The following ELAVL3 variants were observed in gnomAD, a reference collection of about 807,000 sequenced individuals.
The protein encoded by ELAVL3 is ELAV-like protein 3.
A neutral mutation model predicts 34.2 loss-of-function variants in ELAVL3; 8 were observed. The observed-to-expected ratio is 0.23, with a 90% CI of 0.14 to 0.42. The LOEUF (loss-of-function observed/expected upper bound fraction) is 0.42. Ranked by LOEUF, ELAVL3 falls within the 10% of genes least tolerant of loss-of-function variation. The pLI, the probability that ELAVL3 is intolerant of heterozygous loss-of-function variation, is 1.00. For synonymous variants in ELAVL3, 209 were observed against 222.1 expected (o/e 0.94, Z 0.53); for missense variants, 273 against 518.8 (o/e 0.53, Z 4.60).
chr19:11,473,648 T>C (rs774596716), intron 1 of ELAVL3, among the ~76,000 whole-genome samples: 2 of 152,174 alleles, frequency 1.3e-5, no homozygotes, highest in Non-Finnish European at 2.9e-5. Context: ...CCTCCCCCAC[T>C]TCACCCCCAC....
intron 1 of ELAVL3, among the ~76,000 whole-genome samples, chr19:11,475,067 C>A (rs1971238041): frequency 6.6e-6 from 1 of 152,138 alleles, no homozygotes; most frequent in East Asian, 1.9e-4. Context: ...ATCTCGTGAT[C>A]CACTGCCTCG....
chr19:11,473,306 A>C (rs1971202795), intron 1 of ELAVL3, among the ~76,000 whole-genome samples: 2 of 152,098 alleles, frequency 1.3e-5, no homozygotes, highest in African/African-American at 4.8e-5. Context: ...CGGAGCTTGC[A>C]ATGAGCCGAG....
At position 11,466,329 on chromosome 19, in the gene ELAVL3, T is replaced by C. The variant is rs909124858; in HGVS notation, c.230-54A>G. On this transcript the variant is annotated intron_variant, in intron 2 of 6. Transcript: ENST00000359227. This position sits in a 1 kb window ranked among gnomAD's most constrained non-coding sequence, Gnocchi z 5.0. ...CCCACCCAGCCTTGACACCTGCCAG[T>C]GTCCCACCTCAGGCCTGAGAGACTG... is the stretch of plus-strand genomic sequence containing the variant. 6.6e-7 allele frequency: 1 copy of C among 1,524,218 alleles called. No individual in the cohort carries two copies. Among genetic ancestry groups the C allele is most frequent in the African/African-American group, 1.4e-5 (1 of 72,942 alleles). The allele number at this position is 1,524,218 out of a possible 1,614,324, so 94.4% of individuals were successfully genotyped here.
Position 11,458,018 on chromosome 19 carries a change from G to A in ELAVL3, c.713+43C>T. ...GGGGTTCAGGGAGGGTTGCAAGCTT[G>A]GGGGCACCCGGCCTGGGGCCATCTG... On this transcript the variant is annotated intron_variant, in intron 5 of 6. Transcript: ENST00000359227. This position sits in a 1 kb window ranked among gnomAD's most constrained non-coding sequence, Gnocchi z 7.3. 1 of 1,585,830 alleles carries A rather than the reference G, an allele frequency of 6.3e-7. No homozygotes were observed. The highest frequency in any genetic ancestry group is 8.6e-7 in the Non-Finnish European group (1 of 1,164,190).
rs998183032 is a variant in ELAVL3 at position 11,451,792 on chromosome 19, A to G, written c.*2734T>C. 1 of 145,412 alleles carries G rather than the reference A, an allele frequency of 6.9e-6. No homozygotes were observed. The highest frequency in any genetic ancestry group is 1.5e-5 in the Non-Finnish European group (1 of 66,972). 9.0% of individuals were successfully genotyped at this position (145,412 alleles called of 1,614,324 possible). A position where few individuals can be genotyped will look rare whatever the true frequency, so the allele number is the denominator to read the frequency against. ...CCAGTCTTGGGGGTGGCAGGGGCCT[A>G]GGCCTCGGTGGGGGGGGGGTGTGTG... On this transcript the variant is annotated 3_prime_UTR_variant, in exon 7 of 7. Coordinates refer to ENST00000359227, the MANE Select transcript of ELAVL3 (RefSeq NM_001420.4).
At chr19:11,475,181 C>A (rs1292915574) in intron 1 of ELAVL3, among the ~76,000 whole-genome samples, 1 of 152,194 alleles carries the variant, frequency 6.6e-6, no homozygotes, top group Admixed American at 6.5e-5. Context: ...GTGTGCCAGG[C>A]ACTGTGGGAA....
chr19:11,467,626 G>A (rs764819251), intron 1 of ELAVL3, among the ~76,000 whole-genome samples: 13 of 151,322 alleles, frequency 8.6e-5, no homozygotes, highest in Non-Finnish European at 1.8e-4. Context: ...TGGGATTACA[G>A]GTGCATGCCA....
intron 1 of ELAVL3, among the ~76,000 whole-genome samples, chr19:11,475,546 C>A (rs1322694916): frequency 6.6e-6 from 1 of 151,892 alleles, no homozygotes; most frequent in Non-Finnish European, 1.5e-5. Context: ...TCAAGGGATC[C>A]TCCTGCCTCT....
chr19:11,460,773 G>A (rs756901797), intron 3 of ELAVL3, among the ~76,000 whole-genome samples: 1 of 151,794 alleles, frequency 6.6e-6, no homozygotes. Flanking sequence ...CTCCTAACTA[G>A]GAATTAGACA....
rs35334288 is a variant in ELAVL3 at position 11,454,469 on chromosome 19, T to TTC, written c.*55_*56dup. 1.5e-3 allele frequency: 1,788 copies of TTC among 1,184,414 alleles called. 9 individuals are homozygous for TTC. The African/African-American group carries it at 0.021, about 14-fold the overall frequency. The allele number at this position is 1,184,414 out of a possible 1,614,324, so 73.4% of individuals were successfully genotyped here. On this transcript the variant is annotated 3_prime_UTR_variant, in exon 7 of 7. Coordinates refer to ENST00000359227, the MANE Select transcript of ELAVL3 (RefSeq NM_001420.4). This position sits in a 1 kb window ranked among gnomAD's most constrained non-coding sequence, Gnocchi z 9.2. Reference sequence around the variant, plus strand: ...GCCCCTTCTCTCTCTCTCTCTCTCTTTCTCTCTCTCTCTCTCTGCTGCCCG... The same window carrying TTC: ...GCCCCTTCTCTCTCTCTCTCTCTCTTTCTCTCTCTCTCTCTCTCTGCTGCCCG...
chr19:11,465,078 CACAG>C (rs1185769402), intron 3 of ELAVL3, among the ~76,000 whole-genome samples: 2,364 of 119,348 alleles, frequency 0.02, 71 homozygotes, highest in African/African-American at 0.071. Context: ...ACACACCCCA[CACAG>C]ACACACACAC....
chr19:11,457,750 G>A (rs1970800343), intron 5 of ELAVL3, among the ~76,000 whole-genome samples: 1 of 152,154 alleles, frequency 6.6e-6, no homozygotes, highest in Non-Finnish European at 1.5e-5. Flanking sequence ...TGAAATATTT[G>A]GTGTTATTAC....
At chr19:11,464,850 TACAC>T (rs1372654143) in intron 3 of ELAVL3, among the ~76,000 whole-genome samples, 2 of 58,318 alleles carry the variant, frequency 3.4e-5, no homozygotes, top group African/African-American at 1.4e-4. Context: ...GACACACACA[TACAC>T]AACACACACA....
chr19:11,453,884 C>T lies in ELAVL3; in HGVS notation c.*642G>A, dbSNP rs1938152057. On this transcript the variant is annotated 3_prime_UTR_variant, in exon 7 of 7. Coordinates refer to ENST00000359227, the MANE Select transcript of ELAVL3 (RefSeq NM_001420.4). ...GTTTTTTTTTTTCAAGTTCAAGAAT[C>T]CCCAGTAAAAATTCTCCACGAGGTC... The T allele has an allele frequency of 2.2e-5, 3 of 138,170 alleles. No individual in the cohort carries two copies. The highest frequency in any genetic ancestry group is 1.5e-4 in the Admixed American group (2 of 13,104). 8.6% of individuals were successfully genotyped at this position (138,170 alleles called of 1,614,324 possible). A position where few individuals can be genotyped will look rare whatever the true frequency, so the allele number is the denominator to read the frequency against.
chr19:11,468,926 T>C (rs1971109620), intron 1 of ELAVL3, among the ~76,000 whole-genome samples: 1 of 152,096 alleles, frequency 6.6e-6, no homozygotes, highest in African/African-American at 2.4e-5. Flanking sequence ...TAGCTTTAAT[T>C]AATTAATTTT....
intron 3 of ELAVL3, among the ~76,000 whole-genome samples, chr19:11,465,278 T>TACACACACACACACC (rs1416796831): frequency 4.4e-5 from 4 of 91,642 alleles, no homozygotes; most frequent in Non-Finnish European, 9.5e-5. Flanking sequence ...ACCACACACA[T>TACACACACACACACC]ACACACACAC....
rs1178739669 is a variant in ELAVL3, at chr19:11,463,996, C to CA, written c.333+2175dup. On this transcript the variant is annotated intron_variant, in intron 3 of 6. Transcript: ENST00000359227. ...AAAAAACCCCAAAAAATCAAAAAAC[C>CA]AAAAAAAAAAAACCTTATCCTACAG... Among the ~76,000 whole-genome samples, 814 of 136,480 alleles carry CA rather than the reference C, an allele frequency of 6.0e-3. 1 individual carries two copies. The highest frequency in any genetic ancestry group is 0.022 in the Middle Eastern group (6 of 272). The allele number at this position is 136,480 out of a possible 152,430, so 89.5% of individuals were successfully genotyped here. A position where few individuals can be genotyped will look rare whatever the true frequency, so the allele number is the denominator to read the frequency against.
intron 6 of ELAVL3, among the ~76,000 whole-genome samples, chr19:11,455,841 G>T (rs1455383896): frequency 6.6e-6 from 1 of 152,196 alleles, no homozygotes; most frequent in Non-Finnish European, 1.5e-5. Context: ...TCTGTTGAAT[G>T]AATTAATGAA....
chr19:11,470,442 G>C (rs932028810), intron 1 of ELAVL3, among the ~76,000 whole-genome samples: 11 of 151,662 alleles, frequency 7.3e-5, no homozygotes, highest in Non-Finnish European at 1.3e-4. Flanking sequence ...GAGGCAGGCA[G>C]ATCACCTGAG....
Sources: gnomAD v4.1 joint callset for allele counts (sites outside exome capture counted in the v4.1 genomes callset) on GRCh38, gnomAD v4.1.1 for gene constraint, Gnocchi (gnomAD v3.1) non-coding constraint, MANE v1.5 for transcripts, NCBI Gene and HGNC (gene_info 2026-07-23, HGNC 2026-07-21) for gene names.